The following CYP11A1 variants were observed in gnomAD, a reference collection of about 807,000 sequenced individuals.
The protein encoded by CYP11A1 is cholesterol side-chain cleavage enzyme, mitochondrial.
In CYP11A1, 25 loss-of-function variants were observed where a neutral mutation model predicts 51.9. The observed-to-expected ratio is 0.48, with a 90% CI of 0.35 to 0.67. The LOEUF is 0.67. Ranked by LOEUF, CYP11A1 falls within the 30% of genes least tolerant of loss-of-function variation. The pLI, the probability that CYP11A1 is intolerant of heterozygous loss-of-function variation, is 0.00. For synonymous variants in CYP11A1, 245 were observed against 262.1 expected (o/e 0.93, Z 0.63); for missense variants, 578 against 680.9 (o/e 0.85, Z 1.68).
At chr15:74,338,459 G>T in intron 8 of CYP11A1, 112 bp downstream of exon 8, 1 of 1,124,748 alleles carries the variant, frequency 8.9e-7, no homozygotes, top group Non-Finnish European at 1.3e-6. Context: ...AGGTAGATGC[G>T]CCCCAGCACT....
chr15:74,343,610 C>T (rs978096968), intron 4 of CYP11A1, among the ~76,000 whole-genome samples, 179 bp downstream of exon 4: 1 of 152,252 alleles, frequency 6.6e-6, no homozygotes, highest in Admixed American at 6.5e-5. Flanking sequence ...TAATCCCCAA[C>T]AGCCAGCCTT....
intron 1 of CYP11A1, among the ~76,000 whole-genome samples, chr15:74,351,626 C>T (rs1363212792): frequency 6.6e-6 from 1 of 152,160 alleles, no homozygotes; most frequent in Non-Finnish European, 1.5e-5. Context: ...GTGGGTCCTG[C>T]GGACCCCAGC....
rs1045337005 is a variant in CYP11A1 at position 74,342,853 on chromosome 15, G to A, written c.990+124C>T. On this transcript the variant is annotated intron_variant, in intron 5 of 8. Transcript: ENST00000268053. ...GCGCTTTGGAAATGGAGGCAAGGAG[G>A]AAGACATATCCTACATGAGTAGGAA... is the stretch of plus-strand genomic sequence containing the variant. The A allele has an allele frequency of 3.0e-6, 3 of 1,004,512 alleles. No homozygotes were observed. In the African/African-American group the frequency reaches 4.8e-5, roughly 16 times the overall value. The allele number at this position is 1,004,512 out of a possible 1,614,324, so 62.2% of individuals were successfully genotyped here. A position where few individuals can be genotyped will look rare whatever the true frequency, so the allele number is the denominator to read the frequency against.
At chr15:74,342,905 A>T in intron 5 of CYP11A1, 72 bp downstream of exon 5, 4 of 1,518,228 alleles carry the variant, frequency 2.6e-6, no homozygotes, top group Non-Finnish European at 3.6e-6. Context: ...GTTTCAGACA[A>T]CGAGGGGCCT....
chr15:74,340,635 G>A (rs569750979), intron 5 of CYP11A1, among the ~76,000 whole-genome samples: 1 of 152,138 alleles, frequency 6.6e-6, no homozygotes, highest in African/African-American at 2.4e-5. Context: ...GTTTACATAT[G>A]TTACCTCGTT....
At chr15:74,348,123 G>T (rs2060640668) in intron 1 of CYP11A1, 68 bp from the exon 2 acceptor site, 2 of 1,564,218 alleles carry the variant, frequency 1.3e-6, no homozygotes, top group African/African-American at 2.7e-5. Flanking sequence ...GCTCAGCACA[G>T]CTGCCTCACA....
At chr15:74,366,111 C>G in intron 1 of CYP11A1, 1 of 985,554 alleles carries the variant, frequency 1.0e-6, no homozygotes, top group Non-Finnish European at 1.2e-6. Flanking sequence ...CCGCGAAGAG[C>G]GCAGGAGCAG....
intron 5 of CYP11A1, 62 bp downstream of exon 5, chr15:74,342,915 T>C (rs1377493849): frequency 2.6e-6 from 4 of 1,564,800 alleles, no homozygotes; most frequent in Non-Finnish European, 3.5e-6. Context: ...ACGAGGGGCC[T>C]GGTGGGGAAG....
chr15:74,361,572 C>A, intron 1 of CYP11A1: 1 of 892,852 alleles, frequency 1.1e-6, no homozygotes, highest in Non-Finnish European at 1.8e-6. Flanking sequence ...CCACCGTGTT[C>A]TTTGACATCG....
chr15:74,345,301 C>T lies in CYP11A1; in HGVS notation c.426-58G>A, dbSNP rs1398680059. ...TCACAGACCCCAGGCCTGGTGAACA[C>T]AGAGGGGGCTGACTCAGTTTTCCCA... On this transcript the variant is annotated intron_variant, in intron 2 of 8. Coordinates refer to ENST00000268053, the MANE Select transcript of CYP11A1 (RefSeq NM_000781.3). The surrounding 1 kb of genome is among the most constrained non-coding windows in gnomAD (Gnocchi z 4.3). The T allele has an allele frequency of 6.3e-7, 1 of 1,590,400 alleles. No individual in the cohort carries two copies.
At chr15:74,342,661 T>C (rs1279267287) in intron 5 of CYP11A1, among the ~76,000 whole-genome samples, 1 of 152,104 alleles carries the variant, frequency 6.6e-6, no homozygotes, top group Non-Finnish European at 1.5e-5. Flanking sequence ...AGGGCTCTGA[T>C]AGAGCAAGCC....
At chr15:74,359,847 C>T (rs538463023) in intron 1 of CYP11A1, among the ~76,000 whole-genome samples, 1 of 152,214 alleles carries the variant, frequency 6.6e-6, no homozygotes, top group East Asian at 1.9e-4. Context: ...GAGTCAGTCT[C>T]TGGGCTCTTT....
In CYP11A1 at chr15:74,337,950, G is replaced by A; in HGVS notation, c.*22C>T. 6.2e-7 allele frequency: 1 copy of A among 1,613,378 alleles called. No individual in the cohort carries two copies. The highest frequency in any genetic ancestry group is 8.5e-7 in the Non-Finnish European group (1 of 1,179,984). On this transcript the variant is annotated 3_prime_UTR_variant, in exon 9 of 9. Coordinates refer to ENST00000268053, the MANE Select transcript of CYP11A1 (RefSeq NM_000781.3). ...CCACCCCTGGGCCTTCCTCCCATGTGGCTGCAGGCCATCCTCTCTGATCAC... is the reference window on the plus strand; with the variant it reads ...CCACCCCTGGGCCTTCCTCCCATGTAGCTGCAGGCCATCCTCTCTGATCAC...
chr15:74,348,088 G>T (rs368916882), intron 1 of CYP11A1, 33 bp from the exon 2 acceptor site: 43 of 1,610,248 alleles, frequency 2.7e-5, no homozygotes, highest in Non-Finnish European at 3.4e-5. Flanking sequence ...CTGATGGAAG[G>T]ATCCGAGGAG....
At chr15:74,352,004 G>A (rs901824991) in intron 1 of CYP11A1, among the ~76,000 whole-genome samples, 3 of 152,238 alleles carry the variant, frequency 2.0e-5, no homozygotes, top group South Asian at 2.1e-4. Flanking sequence ...TTGAATCTTC[G>A]TTTATGTGTG....
chr15:74,342,931 C>A, intron 5 of CYP11A1, 46 bp downstream of exon 5: 1 of 1,605,936 alleles, frequency 6.2e-7, no homozygotes. Flanking sequence ...GGAAGGGGCA[C>A]GTGGGCACAG....
intron 1 of CYP11A1, among the ~76,000 whole-genome samples, chr15:74,349,626 C>T (rs1166238345): frequency 6.6e-6 from 1 of 152,086 alleles, no homozygotes; most frequent in Non-Finnish European, 1.5e-5. Flanking sequence ...GAATCTAGCC[C>T]AAGGCAATGA....
At chr15:74,340,607 C>A (rs573966908) in intron 5 of CYP11A1, among the ~76,000 whole-genome samples, 39 of 152,164 alleles carry the variant, frequency 2.6e-4, no homozygotes, top group Non-Finnish European at 4.7e-4. Flanking sequence ...TATTATATGG[C>A]AGGCAGGGTC....
intron 5 of CYP11A1, 40 bp downstream of exon 5, chr15:74,342,937 C>G: frequency 6.2e-7 from 1 of 1,609,852 alleles, no homozygotes; most frequent in African/African-American, 1.3e-5. Context: ...GGCACGTGGG[C>G]ACAGGGGGCA....
Sources: gnomAD v4.1 joint callset for allele counts (sites outside exome capture counted in the v4.1 genomes callset) on GRCh38, gnomAD v4.1.1 for gene constraint, Gnocchi (gnomAD v3.1) non-coding constraint, MANE v1.5 for transcripts, NCBI Gene and HGNC (gene_info 2026-07-23, HGNC 2026-07-21) for gene names.